PFDN2: variants seen among roughly 807,000 people sequenced by gnomAD.
PFDN2 encodes prefoldin 2.
A neutral mutation model predicts 18.3 loss-of-function variants in PFDN2; 7 were observed. The observed-to-expected ratio is 0.38, with a 90% CI of 0.22 to 0.72. The LOEUF is 0.72. PFDN2 is among the 30% of genes least tolerant of loss of function. PFDN2 has a pLI of 0.47. For synonymous variants in PFDN2, 76 were observed against 75.0 expected (o/e 1.01, Z -0.07); for missense variants, 181 against 199.1 (o/e 0.91, Z 0.55).
At chr1:161,107,553 G>A (rs1436346784) in intron 1 of PFDN2, among the ~76,000 whole-genome samples, 1 of 152,016 alleles carries the variant, frequency 6.6e-6, no homozygotes, top group Non-Finnish European at 1.5e-5. Context: ...GGTGGCTCAT[G>A]CCTGTAATTC....
chr1:161,116,486 C>A (rs561349129), intron 1 of PFDN2, among the ~76,000 whole-genome samples: 10 of 152,046 alleles, frequency 6.6e-5, no homozygotes, highest in Admixed American at 5.2e-4. Flanking sequence ...TGCACTCCAG[C>A]CTCGGCAACA....
chr1:161,112,385 C>T (rs1654829734), intron 1 of PFDN2, among the ~76,000 whole-genome samples: 1 of 152,240 alleles, frequency 6.6e-6, no homozygotes, highest in Non-Finnish European at 1.5e-5. Context: ...CTGCTACTGA[C>T]ATCACTCTAG....
intron 1 of PFDN2, among the ~76,000 whole-genome samples, chr1:161,113,963 CACTT>C (rs1308745232): frequency 6.6e-6 from 1 of 152,202 alleles, no homozygotes; most frequent in African/African-American, 2.4e-5. Flanking sequence ...CCTCAAAACT[CACTT>C]ATCACACTTC....
intron 1 of PFDN2, among the ~76,000 whole-genome samples, 171 bp downstream of exon 1, chr1:161,117,781 C>T (rs770921350): frequency 1.3e-5 from 2 of 152,234 alleles, no homozygotes; most frequent in Non-Finnish European, 2.9e-5. Context: ...CACCTACCCA[C>T]CCGTCTACCT....
chr1:161,116,768 GGCAGA>G, intron 1 of PFDN2, among the ~76,000 whole-genome samples: 1 of 152,142 alleles, frequency 6.6e-6, no homozygotes, highest in South Asian at 2.1e-4. Flanking sequence ...GGGAGGCTAA[GGCAGA>G]AATGCTTGAA....
At chr1:161,117,817 C>G in intron 1 of PFDN2, 135 bp downstream of exon 1, 1 of 802,262 alleles carries the variant, frequency 1.2e-6, no homozygotes, top group Non-Finnish European at 1.9e-6. Flanking sequence ...GCTAGCTTTT[C>G]CGGGGACCCT....
At chr1:161,106,285 C>G (rs2101701663) in intron 1 of PFDN2, among the ~76,000 whole-genome samples, 1 of 152,236 alleles carries the variant, frequency 6.6e-6, no homozygotes, top group South Asian at 2.1e-4. Flanking sequence ...GCCAATTAAA[C>G]CACTTTTCTT....
intron 1 of PFDN2, among the ~76,000 whole-genome samples, chr1:161,111,599 T>C (rs1288647921): frequency 2.0e-5 from 3 of 152,216 alleles, no homozygotes; most frequent in Non-Finnish European, 4.4e-5. Context: ...GAATCACTGC[T>C]ACAGGGTAAC....
At chr1:161,108,005 C>T (rs919951831) in intron 1 of PFDN2, among the ~76,000 whole-genome samples, 6 of 151,118 alleles carry the variant, frequency 4.0e-5, no homozygotes, top group Admixed American at 3.3e-4. Context: ...GTCCCAGCTA[C>T]TTGGGAGGCT....
At chr1:161,103,303 G>C (rs181041527) in intron 1 of PFDN2, among the ~76,000 whole-genome samples, 23 of 152,040 alleles carry the variant, frequency 1.5e-4, no homozygotes, top group Admixed American at 1.2e-3. Flanking sequence ...AGCTGCCCCA[G>C]TTCTTGAACT....
chr1:161,103,573 C>CA (rs1179962053), intron 1 of PFDN2, among the ~76,000 whole-genome samples: 3 of 150,306 alleles, frequency 2.0e-5, no homozygotes, highest in Non-Finnish European at 4.4e-5. Context: ...CCTGTAGTCC[C>CA]AGCTACTCAG....
chr1:161,101,381 A>G (rs113272945), intron 3 of PFDN2, among the ~76,000 whole-genome samples: 42 of 151,930 alleles, frequency 2.8e-4, no homozygotes, highest in African/African-American at 9.9e-4. Context: ...TCGTATTCTT[A>G]GTAGAGATGG....
intron 3 of PFDN2, among the ~76,000 whole-genome samples, chr1:161,101,209 T>A (rs982820411): frequency 1.1e-4 from 17 of 151,034 alleles, no homozygotes; most frequent in East Asian, 1.9e-4. Flanking sequence ...TTTTTAATAT[T>A]TTTTTTTTGA....
At chr1:161,112,370 T>C (rs560137607) in intron 1 of PFDN2, among the ~76,000 whole-genome samples, 1 of 152,400 alleles carries the variant, frequency 6.6e-6, no homozygotes, top group Admixed American at 6.5e-5. Flanking sequence ...TTATCTCTTC[T>C]ATTTCTGCTA....
At chr1:161,108,203 AC>A (rs1654726058) in intron 1 of PFDN2, among the ~76,000 whole-genome samples, 1 of 150,920 alleles carries the variant, frequency 6.6e-6, no homozygotes, top group Non-Finnish European at 1.5e-5. Flanking sequence ...CTATAATCCC[AC>A]CACTTTGGGA....
chr1:161,102,351 G>A lies in PFDN2; in HGVS notation c.100C>T (p.Arg34Trp), dbSNP rs1033080907. The change falls in exon 2 of 4, where the codon CGG becomes TGG. Residue 34 changes from arginine to tryptophan, a missense_variant. By Grantham distance (101) the Arg-to-Trp change is moderately radical. Coordinates refer to ENST00000368010, the MANE Select transcript of PFDN2 (RefSeq NM_012394.4). ...EQVIAGFNRL[R>W]QEQRGLASKA... ...GATGCCAGGCCTCGCTGTTCCTGCC[G>A]AAGGCGGTTGAAGCCAGCAATCACC... 6.8e-6 allele frequency: 11 copies of A among 1,614,108 alleles called. No individual in the cohort carries two copies. Among genetic ancestry groups the A allele is most frequent in the Non-Finnish European group, 8.5e-6 (10 of 1,179,958 alleles).
chr1:161,114,038 C>T (rs1237034370), intron 1 of PFDN2, among the ~76,000 whole-genome samples: 1 of 152,194 alleles, frequency 6.6e-6, no homozygotes, highest in Non-Finnish European at 1.5e-5. Context: ...AGTGGTTCCA[C>T]TCTTGTTCTA....
rs1030690708 is a variant in PFDN2, at chr1:161,100,812, T to G, written c.336A>C (p.Gly112=). The change falls in exon 4 of 4, where the codon GGA becomes GGC. Residue 112 remains glycine, a synonymous_variant. Transcript: ENST00000368010. ...TTTCCCGGAATTCATTTAGTTCTTT[T>G]CCCTTTGCCTGAAGCTGCTGTGTCA... ...ETLTQQLQAK[G]KELNEFREKH... 6.2e-7 allele frequency: 1 copy of G among 1,613,954 alleles called. No homozygotes were observed. Among genetic ancestry groups the G allele is most frequent in the Non-Finnish European group, 8.5e-7 (1 of 1,179,934 alleles).
chr1:161,110,453 T>C (rs971658490), intron 1 of PFDN2, among the ~76,000 whole-genome samples: 1 of 152,220 alleles, frequency 6.6e-6, no homozygotes, highest in Admixed American at 6.5e-5. Flanking sequence ...TAATATATTA[T>C]TCCTGGCTTA....
Sources: gnomAD v4.1 joint callset for allele counts (sites outside exome capture counted in the v4.1 genomes callset) on GRCh38, gnomAD v4.1.1 for gene constraint, MANE v1.5 for transcripts, NCBI Gene and HGNC (gene_info 2026-07-23, HGNC 2026-07-21) for gene names.